ADAMTS19: variants seen among roughly 807,000 people sequenced by gnomAD.
ADAMTS19 encodes ADAM metallopeptidase with thrombospondin type 1 motif 19.
Under a neutral mutation model 153.3 loss-of-function variants are expected in ADAMTS19, and 93 were observed. That is an observed-to-expected ratio of 0.61 (90% confidence interval 0.51 to 0.72). The LOEUF is 0.72. Ranked by LOEUF, ADAMTS19 falls within the 30% of genes least tolerant of loss-of-function variation. The pLI, the probability that ADAMTS19 is intolerant of heterozygous loss-of-function variation, is 0.00. For missense variants in ADAMTS19, 1,482 were observed against 1,552.1 expected, an observed-to-expected ratio of 0.95 and a Z score of 0.76; for synonymous variants, 600 against 556.6, an observed-to-expected ratio of 1.08 and a Z score of -1.10.
chr5:129,699,799 C>T (rs573819689), intron 19 of ADAMTS19, among the ~76,000 whole-genome samples: 16 of 151,954 alleles, frequency 1.1e-4, no homozygotes, highest in Admixed American at 6.6e-4. Context: ...GTTTATTTTC[C>T]GAACAAGTGG....
At chr5:129,675,134 CCT>C (rs1334429038) in intron 16 of ADAMTS19, among the ~76,000 whole-genome samples, 3 of 152,080 alleles carry the variant, frequency 2.0e-5, no homozygotes, top group Middle Eastern at 3.4e-3. Flanking sequence ...ATCTTTTACC[CCT>C]GTTTTAACGT....
intron 15 of ADAMTS19, among the ~76,000 whole-genome samples, chr5:129,664,155 G>T (rs935798193): frequency 6.6e-5 from 10 of 152,116 alleles, no homozygotes; most frequent in African/African-American, 2.4e-4. Context: ...GAAGGTAGTA[G>T]CTTAAACAAC....
chr5:129,632,346 G>GATAT (rs577382676), intron 10 of ADAMTS19, among the ~76,000 whole-genome samples: 1 of 150,906 alleles, frequency 6.6e-6, no homozygotes, highest in Non-Finnish European at 1.5e-5. Flanking sequence ...CTATAGTCAT[G>GATAT]ATATATATAT....
intron 7 of ADAMTS19, among the ~76,000 whole-genome samples, chr5:129,556,143 A>T (rs1427933012): frequency 6.6e-6 from 1 of 152,148 alleles, no homozygotes; most frequent in Non-Finnish European, 1.5e-5. Flanking sequence ...TCCTGTTGAT[A>T]TAGTTATGTA....
intron 3 of ADAMTS19, among the ~76,000 whole-genome samples, chr5:129,524,968 C>A (rs971058866): frequency 6.6e-6 from 1 of 152,054 alleles, no homozygotes; most frequent in African/African-American, 2.4e-5. Context: ...TGTGGATGAA[C>A]CTCATTATTT....
At chr5:129,671,825 T>TA (rs879628976) in intron 16 of ADAMTS19, among the ~76,000 whole-genome samples, 1 of 152,120 alleles carries the variant, frequency 6.6e-6, no homozygotes, top group Non-Finnish European at 1.5e-5. Flanking sequence ...ATGAGTTTTT[T>TA]AAAAAATCTC....
chr5:129,577,525 C>G (rs75676810), intron 7 of ADAMTS19, among the ~76,000 whole-genome samples: 3,608 of 152,132 alleles, frequency 0.024, 118 homozygotes, highest in African/African-American at 0.078. Flanking sequence ...AAATGTCTCA[C>G]TGAAGAAAGT....
chr5:129,617,629 T>C (rs1265088816), intron 8 of ADAMTS19, among the ~76,000 whole-genome samples: 1 of 152,060 alleles, frequency 6.6e-6, no homozygotes, highest in African/African-American at 2.4e-5. Context: ...CACCCATTGA[T>C]GTGGGCTGTA....
chr5:129,654,291 C>T lies in ADAMTS19; in HGVS notation c.2177-15C>T. 1 of 1,570,420 alleles carries T rather than the reference C, an allele frequency of 6.4e-7. No individual in the cohort carries two copies. The highest frequency in any genetic ancestry group is 8.6e-7 in the Non-Finnish European group (1 of 1,165,984). ...GTAACTTTTTCTCATTTCTTTTTAT[C>T]TACTCTGTATGTAGAAAAACCATGT... is the stretch of plus-strand genomic sequence containing the variant. On this transcript the variant is annotated splice_polypyrimidine_tract_variant and intron_variant, in intron 13 of 22. Transcript: ENST00000274487.
intron 7 of ADAMTS19, among the ~76,000 whole-genome samples, chr5:129,587,259 A>AT (rs953321403): frequency 1.2e-4 from 17 of 144,650 alleles, no homozygotes; most frequent in Middle Eastern, 3.4e-3. Flanking sequence ...TGTCTGTTTG[A>AT]TTTTTTTTAT....
intron 6 of ADAMTS19, among the ~76,000 whole-genome samples, chr5:129,537,407 C>G (rs1203453776): frequency 6.6e-6 from 1 of 152,238 alleles, no homozygotes; most frequent in South Asian, 2.1e-4. Context: ...ACCATTTGAC[C>G]CAGCCATCCC....
At chr5:129,705,324 A>G (rs1433314693) in intron 21 of ADAMTS19, among the ~76,000 whole-genome samples, 1 of 152,154 alleles carries the variant, frequency 6.6e-6, no homozygotes, top group African/African-American at 2.4e-5. Context: ...AAATAACCCT[A>G]AAGGGCTTTC....
chr5:129,605,495 G>A (rs936656986), intron 8 of ADAMTS19, among the ~76,000 whole-genome samples: 15 of 152,288 alleles, frequency 9.8e-5, no homozygotes, highest in Admixed American at 7.2e-4. Flanking sequence ...CTCCACTCAC[G>A]TATCAGGGTT....
chr5:129,685,578 T>C (rs1480006016), intron 18 of ADAMTS19, among the ~76,000 whole-genome samples: 3 of 152,136 alleles, frequency 2.0e-5, no homozygotes, highest in Non-Finnish European at 2.9e-5. Context: ...GGTTATCCTA[T>C]AAAAATTAAT....
Position 129,648,938 on chromosome 5 carries a change from A to G in ADAMTS19, c.2144A>G (p.His715Arg), listed in dbSNP as rs781164829. Residue 715 changes from histidine (H) to arginine (R), a missense_variant, in exon 13 of 23, where the codon CAT (histidine) becomes CGT (arginine). By Grantham distance (29) the His-to-Arg change is conservative (BLOSUM62 0). Transcript: ENST00000274487. ...AYSVRTSSPK[H>R]ILQWQAVLDE... ...AGTGTTAGAACTTCCTCCCCAAAGC[A>G]TATACTTCAGTGGCAAGCTGTCCTG... 6 of 1,610,626 alleles carry G rather than the reference A, an allele frequency of 3.7e-6. No homozygotes were observed. In the African/African-American group the frequency reaches 4.0e-5, roughly 11 times the overall value.
chr5:129,639,475 G>C (rs1752697790), intron 10 of ADAMTS19, among the ~76,000 whole-genome samples: 1 of 152,136 alleles, frequency 6.6e-6, no homozygotes, highest in African/African-American at 2.4e-5. Flanking sequence ...CTCTGAGAGA[G>C]ATTTTATTCT....
At chr5:129,707,158 G>A (rs1380637992) in intron 21 of ADAMTS19, among the ~76,000 whole-genome samples, 1 of 152,160 alleles carries the variant, frequency 6.6e-6, no homozygotes, top group African/African-American at 2.4e-5. Context: ...AAGGAGGGCT[G>A]ACTTTTTGCA....
chr5:129,600,586 C>T (rs1017325548), intron 8 of ADAMTS19, among the ~76,000 whole-genome samples: 4 of 151,978 alleles, frequency 2.6e-5, no homozygotes, highest in African/African-American at 4.8e-5. Context: ...AAAATCAATA[C>T]GGTCCACTAA....
At chr5:129,510,885 C>T (rs1751420773) in intron 3 of ADAMTS19, among the ~76,000 whole-genome samples, 1 of 139,342 alleles carries the variant, frequency 7.2e-6, no homozygotes. Flanking sequence ...ATATAGTAGG[C>T]ATGATTGTTA....
Sources: gnomAD v4.1 joint callset for allele counts (sites outside exome capture counted in the v4.1 genomes callset) on GRCh38, gnomAD v4.1.1 for gene constraint, MANE v1.5 for transcripts, NCBI Gene and HGNC (gene_info 2026-07-23, HGNC 2026-07-21) for gene names.